Variants in NHS observed in about 807,000 individuals in gnomAD.
NHS encodes the protein NHS actin remodeling regulator.
Under a neutral mutation model 72.5 loss-of-function variants are expected in NHS, and 5 were observed. The ratio of observed to expected loss-of-function variants is 0.07; its 90% CI spans 0.04 to 0.14. The LOEUF (loss-of-function observed/expected upper bound fraction) is 0.14. Ranked by LOEUF, NHS falls within the 10% of genes least tolerant of loss-of-function variation. The pLI, the probability that NHS is intolerant of heterozygous loss-of-function variation, is 1.00. For synonymous variants in NHS, 464 were observed against 547.7 expected, an observed-to-expected ratio of 0.85 and a Z score of 2.13; for missense variants, 1,072 against 1,355.7, an observed-to-expected ratio of 0.79 and a Z score of 3.29.
chrX:17,585,770 TCAGA>T (rs938002796), intron 1 of NHS, among the ~76,000 whole-genome samples: 1 of 105,875 alleles, frequency 9.4e-6, no homozygotes, highest in African/African-American at 3.6e-5. Flanking sequence ...TAATAATAAC[TCAGA>T]CTGACTTAGA....
At chrX:17,644,921 G>A (rs928103397) in intron 1 of NHS, among the ~76,000 whole-genome samples, 6 of 110,941 alleles carry the variant, frequency 5.4e-5, no homozygotes, top group African/African-American at 1.3e-4. Context: ...ATAAAATAGC[G>A]TCTCTCAAGG....
chrX:17,684,471 G>T (rs988712018), intron 1 of NHS, among the ~76,000 whole-genome samples: 2 of 110,473 alleles, frequency 1.8e-5, no homozygotes, highest in Admixed American at 1.9e-4. Flanking sequence ...TAGGCCCAGA[G>T]TTCTCTTTCA....
chrX:17,687,009 CTG>C (rs2066166079), intron 1 of NHS: 1 of 112,041 alleles, frequency 8.9e-6, no homozygotes. Context: ...GAGTTAAATG[CTG>C]TGTTTGGGGG....
In NHS at chrX:17,376,047, C is replaced by T; in HGVS notation, c.290C>T (p.Ala97Val). The T allele has an allele frequency of 9.4e-7, 1 of 1,062,830 alleles. No individual in the cohort carries two copies. The highest frequency in any genetic ancestry group is 4.0e-5 in the East Asian group (1 of 24,915). 87.6% of individuals were successfully genotyped at this position (1,062,830 alleles called of 1,213,427 possible). A position where few individuals can be genotyped will look rare whatever the true frequency, so the allele number is the denominator to read the frequency against. Residue 97 changes from alanine to valine, a missense_variant, in exon 1 of 9, where the codon GCG becomes GTG. Physicochemically the swap from Ala to Val is moderately conservative, Grantham distance 64. Coordinates refer to ENST00000676302, the MANE Select transcript of NHS (RefSeq NM_001291867.2). ...TCCGTGGCTGGCGAGGAGAGCACGGCGGGGATCCCGGAGGCGGCGCCCGCA... is the reference window on the plus strand; with the variant it reads ...TCCGTGGCTGGCGAGGAGAGCACGGTGGGGATCCCGGAGGCGGCGCCCGCA... ...EASVAGEEST[A>V]GIPEAAPAAG...
chrX:17,635,747 C>T, intron 1 of NHS: 2 of 617,876 alleles, frequency 3.2e-6, no homozygotes, highest in Non-Finnish European at 2.5e-6. Context: ...TTCACAGGAA[C>T]AGCTGTGAGG....
chrX:17,671,933 T>C (rs2147100197), intron 1 of NHS, among the ~76,000 whole-genome samples: 1 of 111,918 alleles, frequency 8.9e-6, no homozygotes, highest in South Asian at 3.8e-4. Flanking sequence ...TAAGAGCTGG[T>C]AAGATACCAA....
chrX:17,636,946 A>G (rs1305481223), intron 1 of NHS, among the ~76,000 whole-genome samples: 2 of 112,054 alleles, frequency 1.8e-5, no homozygotes, highest in Non-Finnish European at 3.8e-5. Flanking sequence ...AATAACCATT[A>G]TTTGATGGGC....
chrX:17,607,249 C>A (rs1399910969), intron 1 of NHS, among the ~76,000 whole-genome samples: 2 of 111,668 alleles, frequency 1.8e-5, no homozygotes, highest in Non-Finnish European at 3.8e-5. Context: ...GTTTTTGTTC[C>A]CTGCCTTGTA....
chrX:17,538,605 G>C (rs994881521), intron 1 of NHS, among the ~76,000 whole-genome samples: 3 of 111,614 alleles, frequency 2.7e-5, no homozygotes, highest in African/African-American at 6.5e-5. Context: ...CCAGTGACCA[G>C]AGAAAGCCCT....
chrX:17,406,752 C>G (rs769636147), intron 1 of NHS, among the ~76,000 whole-genome samples: 8 of 112,288 alleles, frequency 7.1e-5, no homozygotes, highest in Non-Finnish European at 1.5e-4. Flanking sequence ...CTTACTCAGA[C>G]AGAAAGCTGA....
At chrX:17,436,612 TAAAA>T (rs758191311) in intron 1 of NHS, among the ~76,000 whole-genome samples, 1 of 85,784 alleles carries the variant, frequency 1.2e-5, no homozygotes, top group Non-Finnish European at 2.4e-5. Context: ...ATATTTAGGC[TAAAA>T]AAAAAAAAAA....
intron 1 of NHS, among the ~76,000 whole-genome samples, chrX:17,589,647 G>A (rs187653955): frequency 4.6e-5 from 5 of 107,879 alleles, no homozygotes; most frequent in African/African-American, 1.1e-4. Context: ...ATAAACATGC[G>A]TGAGTGAGTA....
intron 1 of NHS, among the ~76,000 whole-genome samples, chrX:17,553,513 C>G (rs1180619464): frequency 8.9e-6 from 1 of 112,546 alleles, no homozygotes; most frequent in Non-Finnish European, 1.9e-5. Context: ...AAAAGAAATG[C>G]CCAAATCTCA....
intron 1 of NHS, among the ~76,000 whole-genome samples, chrX:17,602,764 CT>C (rs1310400629): frequency 3.1e-5 from 3 of 95,406 alleles, no homozygotes; most frequent in African/African-American, 1.2e-4. Flanking sequence ...GTTTATGGTT[CT>C]TTTTTTTTAC....
chrX:17,513,182 G>A (rs918422712), intron 1 of NHS, among the ~76,000 whole-genome samples: 2 of 112,074 alleles, frequency 1.8e-5, no homozygotes, highest in Non-Finnish European at 3.8e-5. Flanking sequence ...AAAAATTAAC[G>A]TGGAACCTTG....
intron 1 of NHS, among the ~76,000 whole-genome samples, chrX:17,536,698 T>C (rs2065226157): frequency 8.9e-6 from 1 of 112,455 alleles, no homozygotes; most frequent in Non-Finnish European, 1.9e-5. Flanking sequence ...AATCTAAAAG[T>C]ATATTCTTGT....
intron 1 of NHS, among the ~76,000 whole-genome samples, chrX:17,573,544 C>G (rs182459077): frequency 5.6e-4 from 61 of 109,772 alleles, no homozygotes; most frequent in African/African-American, 1.8e-3. Flanking sequence ...CATTTAAGCT[C>G]TTCTCTACAC....
chrX:17,446,904 C>A (rs1341980476), intron 1 of NHS, among the ~76,000 whole-genome samples: 1 of 111,923 alleles, frequency 8.9e-6, no homozygotes, highest in Non-Finnish European at 1.9e-5. Context: ...TGCAGAGTTT[C>A]TTTTTTGGAT....
chrX:17,575,700 T>G (rs2065506747), intron 1 of NHS, among the ~76,000 whole-genome samples: 1 of 112,680 alleles, frequency 8.9e-6, no homozygotes, highest in Non-Finnish European at 1.9e-5. Context: ...TCTACATTGT[T>G]TGCTGTTGTA....
Sources: gnomAD v4.1 joint callset for allele counts (sites outside exome capture counted in the v4.1 genomes callset) on GRCh38, gnomAD v4.1.1 for gene constraint, MANE v1.5 for transcripts, NCBI Gene and HGNC (gene_info 2026-07-23, HGNC 2026-07-21) for gene names.